SMG5: variants seen among roughly 807,000 people sequenced by gnomAD.
The protein encoded by SMG5 is nonsense-mediated mRNA decay factor SMG5.
Under a neutral mutation model 122.9 loss-of-function variants are expected in SMG5, and 53 were observed. The ratio of observed to expected loss-of-function variants is 0.43; its 90% CI spans 0.35 to 0.54. The LOEUF (loss-of-function observed/expected upper bound fraction) is 0.54. Among genes scored for constraint, SMG5 ranks in the 20% least tolerant of loss-of-function variants. SMG5 has a pLI of 0.01. For missense variants in SMG5, 1,153 were observed against 1,285.6 expected, an observed-to-expected ratio of 0.90 and a Z score of 1.58; for synonymous variants, 477 against 490.2, an observed-to-expected ratio of 0.97 and a Z score of 0.35.
intron 13 of SMG5, 53 bp from the exon 14 acceptor site, chr1:156,261,461 C>T (rs1003877406): frequency 2.7e-6 from 4 of 1,480,268 alleles, no homozygotes; most frequent in Non-Finnish European, 3.8e-6. Flanking sequence ...TGGTGGAGAA[C>T]AGCAGTGAGC....
chr1:156,250,450 T>C lies in SMG5; in HGVS notation c.*137A>G. ...CGGCTCCTGGGCCCTCCCTGCAGCC[T>C]CTGAGCAGCTAGGCCTCCCTCCTGT... On this transcript the variant is annotated 3_prime_UTR_variant, in exon 22 of 22. Transcript: ENST00000361813. The C allele has an allele frequency of 1.3e-6, 1 of 782,184 alleles. No homozygotes were observed. The highest frequency in any genetic ancestry group is 2.2e-6 in the Non-Finnish European group (1 of 459,186). 48.5% of individuals were successfully genotyped at this position (782,184 alleles called of 1,614,324 possible). A position where few individuals can be genotyped will look rare whatever the true frequency, so the allele number is the denominator to read the frequency against.
At position 156,265,648 on chromosome 1, in the gene SMG5, C is replaced by CA. The variant is rs1225683987; in HGVS notation, c.1855+132dup. On this transcript the variant is annotated intron_variant, in intron 12 of 21. Transcript: ENST00000361813. Reference sequence around the variant, plus strand: ...CCCTCAGGAAAAAACTCATGGGCTACACCACAGGCAGAGGGCCAAAGGTAA... The same window carrying CA: ...CCCTCAGGAAAAAACTCATGGGCTACAACCACAGGCAGAGGGCCAAAGGTAA... 8.2e-6 allele frequency: 11 copies of CA among 1,349,680 alleles called. No homozygotes were observed. The African/African-American group carries it at 1.3e-4, about 16-fold the overall frequency. 83.6% of individuals were successfully genotyped at this position (1,349,680 alleles called of 1,614,324 possible). A position where few individuals can be genotyped will look rare whatever the true frequency, so the allele number is the denominator to read the frequency against.
the SMG5 span, chr1:156,291,310 C>G: frequency 2.1e-6 from 3 of 1,400,942 alleles, no homozygotes; most frequent in Non-Finnish European, 3.0e-6. Context: ...ATCTACTCCC[C>G]CCACCGTCAG....
At chr1:156,256,538 C>G (rs554808818) in intron 16 of SMG5, among the ~76,000 whole-genome samples, 17 of 152,130 alleles carry the variant, frequency 1.1e-4, no homozygotes, top group African/African-American at 4.1e-4. Flanking sequence ...TTGTGAAACT[C>G]CATATTCAAG....
intron 21 of SMG5, 34 bp from the exon 22 acceptor site, chr1:156,250,704 C>G: frequency 6.2e-7 from 1 of 1,610,206 alleles, no homozygotes; most frequent in Non-Finnish European, 8.5e-7. Context: ...TGGAGAGGGT[C>G]TGACCTCCTG....
Position 156,263,516 on chromosome 1 carries a change from C to A in SMG5, c.1910G>T (p.Arg637Leu). 1 of 1,614,228 alleles carries A rather than the reference C, an allele frequency of 6.2e-7. No homozygotes were observed. The highest frequency in any genetic ancestry group is 1.1e-5 in the South Asian group (1 of 91,082). ...CTTCTCCTGGATGCTGCGCTCATTCCGACAGGAGCGTCCACTGGACTCACT... is the reference window on the plus strand; with the variant it reads ...CTTCTCCTGGATGCTGCGCTCATTCAGACAGGAGCGTCCACTGGACTCACT... ...EGSESSGRSC[R>L]NERSIQEKLQ... The change falls in exon 13 of 22, where the codon CGG becomes CTG. Residue 637 changes from arginine to leucine, a missense_variant. This residue lies in a region of SMG5 where 631 missense variants were observed against 650.6 expected (regional missense o/e 0.97). Transcript: ENST00000361813.
intron 15 of SMG5, among the ~76,000 whole-genome samples, chr1:156,260,100 A>C (rs1322286139): frequency 6.6e-6 from 1 of 152,180 alleles, no homozygotes; most frequent in Non-Finnish European, 1.5e-5. Flanking sequence ...TGATTGTTTG[A>C]TGTTCAGCTC....
chr1:156,274,553 T>C, intron 5 of SMG5, 44 bp downstream of exon 5: 1 of 1,575,984 alleles, frequency 6.3e-7, no homozygotes, highest in Non-Finnish European at 8.7e-7. Context: ...CCTGGGCTCG[T>C]CCTGTAACCC....
intron 15 of SMG5, among the ~76,000 whole-genome samples, chr1:156,259,596 T>G (rs1351419605): frequency 6.6e-6 from 1 of 152,120 alleles, no homozygotes; most frequent in Admixed American, 6.5e-5. Flanking sequence ...GTGGTGTGAT[T>G]ACAGCTCACT....
chr1:156,275,537 G>C (rs1423426919), intron 4 of SMG5, among the ~76,000 whole-genome samples: 1 of 152,252 alleles, frequency 6.6e-6, no homozygotes, highest in East Asian at 1.9e-4. Context: ...AAGCAGCAGA[G>C]TTAGGATACA....
chr1:156,278,057 T>A lies in SMG5; in HGVS notation c.174-9A>T. 1 of 1,613,372 alleles carries A rather than the reference T, an allele frequency of 6.2e-7. No individual in the cohort carries two copies. The highest frequency in any genetic ancestry group is 1.3e-5 in the African/African-American group (1 of 74,864). ...CGCAGAGCTCACGCAGCCTGGAGGG[T>A]GTAGAGGAGCATGAGAGAGACAGCC... On this transcript the variant is annotated splice_polypyrimidine_tract_variant and intron_variant, in intron 2 of 21. Coordinates refer to ENST00000361813, the MANE Select transcript of SMG5 (RefSeq NM_015327.3).
At chr1:156,267,820 T>C (rs146379488) in intron 9 of SMG5, 142 bp from the exon 10 acceptor site, 25 of 767,406 alleles carry the variant, frequency 3.3e-5, no homozygotes, top group South Asian at 1.1e-4. Flanking sequence ...TAGTGCTGGA[T>C]TGATCTCCAT....
intron 10 of SMG5, 79 bp from the exon 11 acceptor site, chr1:156,266,757 T>C: frequency 1.3e-6 from 2 of 1,506,478 alleles, no homozygotes; most frequent in Admixed American, 2.0e-5. Flanking sequence ...CCACATCTCA[T>C]CTGTTCTCAA....
upstream of SMG5, chr1:156,285,627 T>G (rs773754620): frequency 3.2e-5 from 52 of 1,614,030 alleles, no homozygotes; most frequent in Admixed American, 8.7e-4. Flanking sequence ...CCTATTGACC[T>G]ACAGTGCATT....
the SMG5 span, among the ~76,000 whole-genome samples, chr1:156,289,445 AAAAAT>A: frequency 6.6e-6 from 1 of 152,194 alleles, no homozygotes; most frequent in Non-Finnish European, 1.5e-5. Flanking sequence ...CGTCTCTACT[AAAAAT>A]AAAAATAAAA....
chr1:156,270,067 G>T (rs966842164), intron 7 of SMG5, among the ~76,000 whole-genome samples: 8 of 141,712 alleles, frequency 5.6e-5, no homozygotes, highest in African/African-American at 2.0e-4. Context: ...AAAACCCAAT[G>T]ACCTTAACAC....
chr1:156,250,784 G>A (rs2103201672), intron 21 of SMG5, 74 bp downstream of exon 21: 2 of 1,605,466 alleles, frequency 1.2e-6, no homozygotes, highest in Non-Finnish European at 1.7e-6. Context: ...GCTATGTGGA[G>A]GGTCTGGGGA....
Position 156,260,445 on chromosome 1 carries a change from C to G in SMG5, c.2283+6G>C. 1 of 1,598,346 alleles carries G rather than the reference C, an allele frequency of 6.3e-7. No homozygotes were observed. Among genetic ancestry groups the G allele is most frequent in the Non-Finnish European group, 8.5e-7 (1 of 1,174,396 alleles). On this transcript the variant is annotated splice_donor_region_variant and intron_variant, in intron 15 of 21. Transcript: ENST00000361813. ...AGAGCTGTGGCATAAGAAATGCTAT[C>G]CTTACCTCCTCTAAGGTGCTGAGCA...
upstream of SMG5, chr1:156,285,260 G>C: frequency 6.4e-7 from 1 of 1,554,362 alleles, no homozygotes; most frequent in South Asian, 1.2e-5. Flanking sequence ...CCTACTGGAA[G>C]TGAAGAGGTC....
Sources: allele counts gnomAD v4.1 joint callset (sites outside exome capture counted in the v4.1 genomes callset), GRCh38; gene constraint gnomAD v4.1.1; regional missense constraint gnomAD v4.1.1; transcripts MANE v1.5; gene names NCBI Gene and HGNC (gene_info 2026-07-23, HGNC 2026-07-21).